SLC16A12: variants seen among roughly 807,000 people sequenced by gnomAD.
SLC16A12 encodes solute carrier family 16 member 12.
Under a neutral mutation model 42.4 loss-of-function variants are expected in SLC16A12, and 17 were observed. The ratio of observed to expected loss-of-function variants is 0.40; its 90% CI spans 0.27 to 0.60. The LOEUF (loss-of-function observed/expected upper bound fraction) is 0.60. Ranked by LOEUF, SLC16A12 falls within the 20% of genes least tolerant of loss-of-function variation. The probability of loss-of-function intolerance (pLI) is 0.42; values close to 1 mark genes in which losing one functional copy is unlikely to be tolerated. For synonymous variants in SLC16A12, 224 were observed against 229.4 expected, an observed-to-expected ratio of 0.98 and a Z score of 0.21; for missense variants, 544 against 623.0, an observed-to-expected ratio of 0.87 and a Z score of 1.35.
chr10:89,466,552 T>G (rs1322634599), intron 2 of SLC16A12, among the ~76,000 whole-genome samples: 1 of 152,244 alleles, frequency 6.6e-6, no homozygotes, highest in Non-Finnish European at 1.5e-5. Flanking sequence ...CAGGACAATT[T>G]TATTACGCCT....
rs146111006 is a variant in SLC16A12, at chr10:89,555,178, C to CT, written c.-47+703dup. On this transcript the variant is annotated intron_variant, in intron 2 of 2. Transcript: ENST00000475682. ...AGTATTTAAGAGGACACAATATCTTCTTTTTTTTTTCAAGATAGTGGATCT... is the reference window on the plus strand; with the variant it reads ...AGTATTTAAGAGGACACAATATCTTCTTTTTTTTTTTCAAGATAGTGGATCT... 7.9e-3 allele frequency among the ~76,000 whole-genome samples: 1,171 copies of CT among 148,814 alleles called. 17 individuals carry two copies. Among genetic ancestry groups the CT allele is most frequent in the African/African-American group, 0.027 (1,084 of 40,652 alleles).
intron 2 of SLC16A12, among the ~76,000 whole-genome samples, chr10:89,528,839 A>T (rs1239097173): frequency 6.6e-6 from 1 of 152,206 alleles, no homozygotes; most frequent in Non-Finnish European, 1.5e-5. Flanking sequence ...CATTGGTACC[A>T]GTTTTTTTCC....
chr10:89,512,403 C>A (rs568381673), intron 2 of SLC16A12, among the ~76,000 whole-genome samples: 2 of 152,166 alleles, frequency 1.3e-5, no homozygotes, highest in South Asian at 4.1e-4. Context: ...TGGGCAGCCT[C>A]AGGTTGGAGG....
chr10:89,451,804 G>A (rs1842100356), intron 3 of SLC16A12, among the ~76,000 whole-genome samples: 1 of 152,170 alleles, frequency 6.6e-6, no homozygotes, highest in South Asian at 2.1e-4. Context: ...GTTCTGTGAT[G>A]CACCATTCAC....
chr10:89,514,693 G>A (rs1843218379), intron 2 of SLC16A12, among the ~76,000 whole-genome samples: 1 of 152,182 alleles, frequency 6.6e-6, no homozygotes, highest in South Asian at 2.1e-4. Context: ...CACATTGGGG[G>A]TGACAATGTT....
chr10:89,454,401 C>T (rs1164523239), intron 3 of SLC16A12, among the ~76,000 whole-genome samples: 1 of 152,086 alleles, frequency 6.6e-6, no homozygotes, highest in Non-Finnish European at 1.5e-5. Flanking sequence ...AGCCAAAACC[C>T]TCCTAATCTT....
chr10:89,538,082 A>G (rs1364528286), upstream of SLC16A12, among the ~76,000 whole-genome samples: 1 of 152,284 alleles, frequency 6.6e-6, no homozygotes, highest in East Asian at 1.9e-4. Context: ...AGCTGCTGAC[A>G]GGCAGCATGG....
At chr10:89,436,897 A>AAAGAAAG (rs1491314687) in intron 6 of SLC16A12, among the ~76,000 whole-genome samples, 1 of 149,226 alleles carries the variant, frequency 6.7e-6, no homozygotes, top group Non-Finnish European at 1.5e-5. Flanking sequence ...AGAAAGAAAG[A>AAAGAAAG]AAGAAAGAAA....
chr10:89,440,328 T>C (rs1384583851), intron 5 of SLC16A12, among the ~76,000 whole-genome samples: 1 of 152,146 alleles, frequency 6.6e-6, no homozygotes, highest in Non-Finnish European at 1.5e-5. Flanking sequence ...CTGGGATCCA[T>C]TGGTCACCAT....
chr10:89,486,652 AAAGAAAG>A (rs1257088052), intron 2 of SLC16A12, among the ~76,000 whole-genome samples: 3 of 115,400 alleles, frequency 2.6e-5, no homozygotes, highest in African/African-American at 1.0e-4. Flanking sequence ...AGAAAGAAAG[AAAGAAAG>A]AAAGAAAAGA....
At chr10:89,530,242 G>A (rs1843523150) in intron 2 of SLC16A12, among the ~76,000 whole-genome samples, 1 of 152,050 alleles carries the variant, frequency 6.6e-6, no homozygotes, top group African/African-American at 2.4e-5. Flanking sequence ...AATTTTTACT[G>A]TACTCTTCAA....
At chr10:89,439,359 T>C (rs901585432) in intron 5 of SLC16A12, among the ~76,000 whole-genome samples, 176 bp from the exon 6 acceptor site, 5 of 152,194 alleles carry the variant, frequency 3.3e-5, no homozygotes, top group African/African-American at 1.2e-4. Context: ...ATTTGGAAAA[T>C]GTAGAATATA....
chr10:89,469,388 A>G (rs1043914550), intron 2 of SLC16A12, among the ~76,000 whole-genome samples: 1 of 152,216 alleles, frequency 6.6e-6, no homozygotes, highest in African/African-American at 2.4e-5. Flanking sequence ...TCTTGCTAAC[A>G]TTCAGTAAAC....
At position 89,431,113 on chromosome 10, in the gene SLC16A12, T is replaced by TGAA; in HGVS notation, c.*1950_*1951insTTC. The TGAA allele has an allele frequency of 5.3e-6, 1 of 190,082 alleles. No homozygotes were observed. Among genetic ancestry groups the TGAA allele is most frequent in the Non-Finnish European group, 1.1e-5 (1 of 93,408 alleles). 11.8% of individuals were successfully genotyped at this position (190,082 alleles called of 1,614,324 possible). A position where few individuals can be genotyped will look rare whatever the true frequency, so the allele number is the denominator to read the frequency against. On this transcript the variant is annotated 3_prime_UTR_variant, in exon 8 of 8. Coordinates refer to ENST00000371790, the MANE Select transcript of SLC16A12 (RefSeq NM_213606.4). ...CCTGGGTTCAAGCGATTGTCCGGCC[T>TGAA]CAGCCTCATGAGTAGCTGGGACTAC...
chr10:89,535,278 A>C (rs986924653), intron 1 of SLC16A12, among the ~76,000 whole-genome samples, 164 bp downstream of exon 1: 1 of 152,006 alleles, frequency 6.6e-6, no homozygotes, highest in African/African-American at 2.4e-5. Context: ...CTCCCTCCCA[A>C]CCCAAGCTGC....
chr10:89,476,419 G>A (rs1842581268), intron 2 of SLC16A12, among the ~76,000 whole-genome samples: 1 of 152,126 alleles, frequency 6.6e-6, no homozygotes, highest in South Asian at 2.1e-4. Context: ...GAGTACTACG[G>A]AGAACTGGTG....
At chr10:89,473,019 A>G (rs1255288573) in intron 2 of SLC16A12, among the ~76,000 whole-genome samples, 2 of 150,234 alleles carry the variant, frequency 1.3e-5, no homozygotes, top group East Asian at 2.0e-4. Flanking sequence ...AGGTTTCACT[A>G]TGTTTCTCAG....
At chr10:89,466,967 G>T (rs1842411981) in intron 2 of SLC16A12, among the ~76,000 whole-genome samples, 1 of 152,048 alleles carries the variant, frequency 6.6e-6, no homozygotes, top group African/African-American at 2.4e-5. Flanking sequence ...AATAGAACCG[G>T]CATTCAAGAG....
At chr10:89,549,346 T>C (rs1367401011) in intron 2 of SLC16A12, among the ~76,000 whole-genome samples, 17 of 152,342 alleles carry the variant, frequency 1.1e-4, no homozygotes, top group Admixed American at 1.0e-3. Context: ...CAATTATATA[T>C]ACAGTGCACT....
Sources: allele counts gnomAD v4.1 joint callset (sites outside exome capture counted in the v4.1 genomes callset), GRCh38; gene constraint gnomAD v4.1.1; transcripts MANE v1.5; gene names NCBI Gene and HGNC (gene_info 2026-07-23, HGNC 2026-07-21).